Variants in IGFL2 observed in about 807,000 individuals in gnomAD.
IGFL2 encodes the protein IGF like family member 2, also known as insulin growth factor-like family member 2.
IGFL2 carries 7 observed loss-of-function variants against 13.9 expected under a neutral mutation model. The observed-to-expected ratio is 0.51, with a 90% confidence interval of 0.29 to 0.95. The LOEUF (loss-of-function observed/expected upper bound fraction) is 0.95. IGFL2 is among the 40% of genes least tolerant of loss of function. IGFL2 has a pLI of 0.08. For missense variants in IGFL2, 138 were observed against 147.8 expected, an observed-to-expected ratio of 0.93 and a Z score of 0.34; for synonymous variants, 55 against 55.8, an observed-to-expected ratio of 0.99 and a Z score of 0.07.
the IGFL2 span, among the ~76,000 whole-genome samples, chr19:46,097,080 A>G: frequency 1.5e-4 from 23 of 152,230 alleles, no homozygotes; most frequent in Non-Finnish European, 2.9e-4. Context: ...GAATAGTTTC[A>G]GAAGAAATGG....
the IGFL2 span, among the ~76,000 whole-genome samples, chr19:46,210,778 A>C: frequency 3.3e-5 from 5 of 152,318 alleles, no homozygotes; most frequent in Non-Finnish European, 5.9e-5. Flanking sequence ...TCCTTTGGCA[A>C]CACCCCTACA....
At chr19:46,104,888 G>A in the IGFL2 span, among the ~76,000 whole-genome samples, 1 of 152,208 alleles carries the variant, frequency 6.6e-6, no homozygotes, top group Non-Finnish European at 1.5e-5. Flanking sequence ...AAGGAGATAT[G>A]TTCCTTGGTC....
chr19:46,118,064 G>A, the IGFL2 span, among the ~76,000 whole-genome samples: 9 of 152,098 alleles, frequency 5.9e-5, no homozygotes, highest in African/African-American at 2.2e-4. Flanking sequence ...CACAGCCCTA[G>A]GGTGGGCATC....
chr19:46,202,742 A>G, the IGFL2 span: 2 of 152,232 alleles, frequency 1.3e-5, no homozygotes, highest in Non-Finnish European at 2.9e-5. Context: ...TCTCTACCAG[A>G]AACGGAAAGG....
chr19:46,176,210 G>A, the IGFL2 span, among the ~76,000 whole-genome samples: 1 of 151,164 alleles, frequency 6.6e-6, no homozygotes, highest in African/African-American at 2.4e-5. Context: ...AAAGAAAACT[G>A]GAGAAGGATC....
In IGFL2 at chr19:46,160,596, G is replaced by T. The variant is rs768630593; in HGVS notation, c.74-18G>T. The T allele has an allele frequency of 1.2e-6, 2 of 1,613,766 alleles. No individual in the cohort carries two copies. The highest frequency in any genetic ancestry group is 1.3e-5 in the African/African-American group (1 of 74,926). ...TTATCCTTGAGCTCACACCAACAAT[G>T]TCTGTCCATCTGTCCAGCTCCCGCT... is the stretch of plus-strand genomic sequence containing the variant. On this transcript the variant is annotated intron_variant, in intron 2 of 3. Coordinates refer to ENST00000377693, the MANE Select transcript of IGFL2 (RefSeq NM_001135113.2).
chr19:46,158,230 CAG>C (rs1491174852), intron 1 of IGFL2, among the ~76,000 whole-genome samples: 3 of 152,180 alleles, frequency 2.0e-5, no homozygotes, highest in African/African-American at 7.2e-5. Flanking sequence ...TATTTTGAGA[CAG>C]AGTGTCACTC....
Position 46,160,682 on chromosome 19 carries a change from T to A in IGFL2, c.142T>A (p.Leu48Met). The A allele has an allele frequency of 6.2e-7, 1 of 1,614,156 alleles. No homozygotes were observed. The highest frequency in any genetic ancestry group is 8.5e-7 in the Non-Finnish European group (1 of 1,180,030). ...GTGTGGAGACAAGATCTACAACCCC[T>A]TGGAGCAGTGCTGTTACAATGACGC... ...PRCGDKIYNPLEQCCYNDAIV... is the reference protein window; with the variant it reads ...PRCGDKIYNPMEQCCYNDAIV... The change falls in exon 3 of 4, where the codon TTG (leucine) becomes ATG (methionine). Residue 48 changes from leucine (L) to methionine (M), a missense_variant. Coordinates refer to ENST00000377693, the MANE Select transcript of IGFL2 (RefSeq NM_001135113.2).
the IGFL2 span, among the ~76,000 whole-genome samples, chr19:46,125,090 T>G: frequency 6.6e-6 from 1 of 152,184 alleles, no homozygotes; most frequent in Non-Finnish European, 1.5e-5. Flanking sequence ...AATACTTGCT[T>G]CTTCTATATT....
chr19:46,157,850 A>G (rs1370588083), intron 1 of IGFL2, among the ~76,000 whole-genome samples: 1 of 152,212 alleles, frequency 6.6e-6, no homozygotes, highest in Admixed American at 6.5e-5. Context: ...AACTGTTCCT[A>G]TATTTGTAGG....
the IGFL2 span, among the ~76,000 whole-genome samples, chr19:46,166,978 C>T: frequency 1.3e-5 from 2 of 152,162 alleles, no homozygotes; most frequent in East Asian, 3.8e-4. Flanking sequence ...GAATGATATA[C>T]ATCCTCCTCA....
At chr19:46,168,930 G>A in the IGFL2 span, among the ~76,000 whole-genome samples, 4 of 151,736 alleles carry the variant, frequency 2.6e-5, no homozygotes, top group Admixed American at 2.6e-4. Flanking sequence ...GTGTGTGTGT[G>A]TGTGTGTGTA....
upstream of IGFL2, among the ~76,000 whole-genome samples, chr19:46,145,638 T>TGTG (rs1568421144): frequency 1.2e-4 from 13 of 112,934 alleles, no homozygotes; most frequent in African/African-American, 4.4e-4. Flanking sequence ...GTGTGTGTAT[T>TGTG]TATTTATTTA....
At chr19:46,178,206 G>A in the IGFL2 span, among the ~76,000 whole-genome samples, 2 of 152,128 alleles carry the variant, frequency 1.3e-5, no homozygotes, top group Non-Finnish European at 2.9e-5. Flanking sequence ...GAACCCAGGA[G>A]GCGGAGGTTG....
chr19:46,125,260 A>C, the IGFL2 span, among the ~76,000 whole-genome samples: 4 of 152,176 alleles, frequency 2.6e-5, no homozygotes, highest in Non-Finnish European at 5.9e-5. Flanking sequence ...CAATGGCCCA[A>C]ATCTCCTGGT....
chr19:46,182,289 C>G, the IGFL2 span, among the ~76,000 whole-genome samples: 1 of 149,726 alleles, frequency 6.7e-6, no homozygotes, highest in Non-Finnish European at 1.5e-5. Context: ...ATTGCTTGAA[C>G]CTGGAAGGCA....
the IGFL2 span, among the ~76,000 whole-genome samples, chr19:46,096,888 A>G: frequency 6.6e-6 from 1 of 152,192 alleles, no homozygotes; most frequent in Non-Finnish European, 1.5e-5. Flanking sequence ...TGTGGTGGAT[A>G]AGCTTTCTGA....
the IGFL2 span, chr19:46,123,788 G>A: frequency 7.5e-7 from 1 of 1,339,700 alleles, no homozygotes; most frequent in Non-Finnish European, 1.0e-6. Flanking sequence ...TGACTCTTTT[G>A]CCGTTAGAAC....
chr19:46,187,214 G>A, the IGFL2 span, among the ~76,000 whole-genome samples: 1 of 151,356 alleles, frequency 6.6e-6, no homozygotes, highest in Non-Finnish European at 1.5e-5. Flanking sequence ...ATCAGAGATG[G>A]TGAGCATTAA....
Sources: allele counts gnomAD v4.1 joint callset (sites outside exome capture counted in the v4.1 genomes callset), GRCh38; gene constraint gnomAD v4.1.1; transcripts MANE v1.5; gene names NCBI Gene and HGNC (gene_info 2026-07-23, HGNC 2026-07-21).